Variants in SBF2 observed in about 807,000 individuals in gnomAD.
SBF2 encodes SET binding factor 2.
A neutral mutation model predicts 225.2 loss-of-function variants in SBF2; 112 were observed. That is an observed-to-expected ratio of 0.50 (90% CI 0.43 to 0.58). The LOEUF (loss-of-function observed/expected upper bound fraction) is 0.58. Ranked by LOEUF, SBF2 falls within the 20% of genes least tolerant of loss-of-function variation. SBF2 has a pLI of 0.00. For synonymous variants in SBF2, 763 were observed against 773.3 expected (o/e 0.99, Z 0.22); for missense variants, 1,996 against 2,206.2 (o/e 0.90, Z 1.91).
At chr11:9,944,521 T>C (rs561856491) in intron 16 of SBF2, among the ~76,000 whole-genome samples, 1 of 152,328 alleles carries the variant, frequency 6.6e-6, no homozygotes, top group South Asian at 2.1e-4. Context: ...CTACATATTA[T>C]GGATATTTTC....
In SBF2 at chr11:10,215,317, C is replaced by G. The variant is rs186420816; in HGVS notation, c.56-21330G>C. 3.9e-4 allele frequency among the ~76,000 whole-genome samples: 60 copies of G among 152,294 alleles called. 1 individual carries two copies. The highest frequency in any genetic ancestry group is 1.3e-3 in the African/African-American group (54 of 41,566). On this transcript the variant is annotated intron_variant, in intron 1 of 39. Transcript: ENST00000256190. ...CTCATTCTGAAAGCTATGTTTTTCA[C>G]TGTCATCTTAAAAATTGGTATTCTC...
At chr11:10,230,685 T>C (rs1958803663) in intron 1 of SBF2, among the ~76,000 whole-genome samples, 1 of 152,230 alleles carries the variant, frequency 6.6e-6, no homozygotes, top group Admixed American at 6.5e-5. Flanking sequence ...GATCCGCTGT[T>C]AGTCTGATGG....
At chr11:10,204,810 G>T (rs1957696266) in intron 1 of SBF2, among the ~76,000 whole-genome samples, 1 of 152,046 alleles carries the variant, frequency 6.6e-6, no homozygotes, top group South Asian at 2.1e-4. Context: ...AATTCAAAGA[G>T]ACAGGAAGTA....
chr11:9,788,654 G>T (rs1476352787), intron 35 of SBF2, among the ~76,000 whole-genome samples: 1 of 150,576 alleles, frequency 6.6e-6, no homozygotes, highest in Non-Finnish European at 1.5e-5. Context: ...GAGTGCAGTG[G>T]CGTGATCTCT....
chr11:10,174,700 A>T (rs1478595018), intron 2 of SBF2, among the ~76,000 whole-genome samples: 1 of 152,142 alleles, frequency 6.6e-6, no homozygotes, highest in Non-Finnish European at 1.5e-5. Flanking sequence ...ACTCCAAGAC[A>T]CATAATTGTC....
At chr11:10,204,269 T>C (rs1591206955) in intron 1 of SBF2, among the ~76,000 whole-genome samples, 1 of 148,416 alleles carries the variant, frequency 6.7e-6, no homozygotes, top group African/African-American at 2.5e-5. Flanking sequence ...CAACCAAACG[T>C]TTTATACCCA....
At chr11:10,002,479 T>A (rs960610093) in intron 7 of SBF2, 78 bp downstream of exon 7, 2 of 1,160,350 alleles carry the variant, frequency 1.7e-6, no homozygotes, top group East Asian at 2.5e-5. Flanking sequence ...AAAACCATTG[T>A]GCCATAACAT....
intron 2 of SBF2, among the ~76,000 whole-genome samples, chr11:10,063,844 C>CAGAG (rs1303324835): frequency 1.5e-5 from 2 of 134,520 alleles, no homozygotes; most frequent in African/African-American, 5.3e-5. Flanking sequence ...CACACACACA[C>CAGAG]ACACACACAC....
At chr11:10,076,349 C>T (rs982776009) in intron 2 of SBF2, among the ~76,000 whole-genome samples, 4 of 152,206 alleles carry the variant, frequency 2.6e-5, no homozygotes, top group African/African-American at 9.6e-5. Context: ...TGCACGAAAA[C>T]CAGCCAGCCA....
intron 6 of SBF2, among the ~76,000 whole-genome samples, chr11:10,022,696 A>G (rs182492900): frequency 6.6e-6 from 1 of 151,138 alleles, no homozygotes; most frequent in East Asian, 1.9e-4. Flanking sequence ...GGCAGTTTTT[A>G]TCACCCAAAA....
chr11:10,057,588 G>A (rs1281790310), intron 2 of SBF2, among the ~76,000 whole-genome samples: 1 of 152,122 alleles, frequency 6.6e-6, no homozygotes, highest in Admixed American at 6.5e-5. Flanking sequence ...GAGCCTCCAG[G>A]AGTCAAGCAA....
chr11:10,153,980 T>C (rs1472604043), intron 2 of SBF2, among the ~76,000 whole-genome samples: 1 of 152,060 alleles, frequency 6.6e-6, no homozygotes, highest in African/African-American at 2.4e-5. Context: ...TCCATATATG[T>C]ATGGGTCTAT....
At chr11:9,995,040 C>CAAAA (rs5789626) in intron 9 of SBF2, among the ~76,000 whole-genome samples, 2 of 138,486 alleles carry the variant, frequency 1.4e-5, no homozygotes, top group African/African-American at 5.3e-5. Context: ...GACTCTGTCT[C>CAAAA]AAAAAAAAAA....
chr11:10,151,307 T>G (rs1430843450), intron 2 of SBF2, among the ~76,000 whole-genome samples: 1 of 152,214 alleles, frequency 6.6e-6, no homozygotes, highest in African/African-American at 2.4e-5. Flanking sequence ...TTTCGCTGAT[T>G]AGGGAGGAAG....
chr11:9,831,464 CA>C (rs551379595), intron 27 of SBF2, among the ~76,000 whole-genome samples: 107 of 152,312 alleles, frequency 7.0e-4, no homozygotes, highest in Non-Finnish European at 1.3e-3. Context: ...GGCTGACTTT[CA>C]AAAAGCACAT....
chr11:10,148,757 A>T (rs1955012449), intron 2 of SBF2, among the ~76,000 whole-genome samples: 1 of 152,178 alleles, frequency 6.6e-6, no homozygotes, highest in Admixed American at 6.5e-5. Flanking sequence ...TGCAAAAAAA[A>T]AAATGGAAAA....
At chr11:9,976,051 ATTC>A (rs750486578) in intron 13 of SBF2, among the ~76,000 whole-genome samples, 172 of 141,590 alleles carry the variant, frequency 1.2e-3, no homozygotes, top group South Asian at 3.8e-3. Context: ...TAAATCTCAT[ATTC>A]TTCTTCTTCT....
intron 9 of SBF2, 81 bp downstream of exon 9, chr11:9,998,185 T>A (rs996727031): frequency 2.8e-5 from 23 of 832,680 alleles, no homozygotes; most frequent in African/African-American, 1.0e-4. Flanking sequence ...ACAAACTGCA[T>A]TGACAAACAT....
chr11:10,015,146 TAATAATAA>T (rs1948604477), intron 6 of SBF2, among the ~76,000 whole-genome samples: 2 of 151,958 alleles, frequency 1.3e-5, no homozygotes, highest in Non-Finnish European at 2.9e-5. Context: ...TCAATAATAA[TAATAATAA>T]AATAATAATA....
Sources: allele counts gnomAD v4.1 joint callset (sites outside exome capture counted in the v4.1 genomes callset), GRCh38; gene constraint gnomAD v4.1.1; transcripts MANE v1.5; gene names NCBI Gene and HGNC (gene_info 2026-07-23, HGNC 2026-07-21).